Variants in SGSM3 observed in about 807,000 individuals in gnomAD.
The protein encoded by SGSM3 is small G protein signaling modulator 3.
A neutral mutation model predicts 100.5 loss-of-function variants in SGSM3; 96 were observed. The ratio of observed to expected loss-of-function variants is 0.96; its 90% CI spans 0.81 to 1.13. The LOEUF (loss-of-function observed/expected upper bound fraction) is 1.13, where lower values mean the gene tolerates loss of function less well. Ranked by LOEUF, SGSM3 falls within the 50% of genes most tolerant of loss-of-function variation. SGSM3 has a pLI of 0.00. For synonymous variants in SGSM3, 483 were observed against 422.8 expected (o/e 1.14, Z -1.75); for missense variants, 1,001 against 1,015.8 (o/e 0.99, Z 0.20).
intron 1 of SGSM3, among the ~76,000 whole-genome samples, chr22:40,383,357 C>T (rs2047889891): frequency 6.6e-6 from 1 of 151,826 alleles, no homozygotes; most frequent in Non-Finnish European, 1.5e-5. Flanking sequence ...TTCCCAGCTA[C>T]TCGGGAGGCT....
intron 1 of SGSM3, among the ~76,000 whole-genome samples, chr22:40,391,346 G>A (rs374540934): frequency 2.6e-5 from 4 of 152,272 alleles, no homozygotes; most frequent in South Asian, 2.1e-4. Flanking sequence ...GTTGACTCAC[G>A]TCTATAATCC....
chr22:40,402,806 G>C (rs1341733989), intron 4 of SGSM3, among the ~76,000 whole-genome samples: 1 of 152,170 alleles, frequency 6.6e-6, no homozygotes, highest in Non-Finnish European at 1.5e-5. Context: ...ACAGTATTTG[G>C]ATAACTACTT....
At chr22:40,403,679 C>T (rs1276947834) in intron 4 of SGSM3, among the ~76,000 whole-genome samples, 7 of 152,018 alleles carry the variant, frequency 4.6e-5, no homozygotes, top group South Asian at 2.1e-4. Context: ...GCTGAGGGAG[C>T]GCTGGAAAGC....
chr22:40,387,432 T>C (rs2048658012), intron 1 of SGSM3: 2 of 377,410 alleles, frequency 5.3e-6, no homozygotes, highest in East Asian at 7.5e-5. Context: ...CCTGTGTAGT[T>C]TAATTATATG....
chr22:40,377,767 G>A (rs966101538), intron 1 of SGSM3, among the ~76,000 whole-genome samples: 8 of 151,536 alleles, frequency 5.3e-5, no homozygotes, highest in Non-Finnish European at 7.4e-5. Flanking sequence ...GATTACTTGA[G>A]CTTGGGAGGT....
chr22:40,385,830 T>A (rs1380472957), intron 1 of SGSM3, among the ~76,000 whole-genome samples: 2 of 152,078 alleles, frequency 1.3e-5, no homozygotes, highest in Non-Finnish European at 2.9e-5. Flanking sequence ...AGGAGGAACA[T>A]GAGCAGAAAG....
At chr22:40,395,596 A>T (rs941334317) in intron 1 of SGSM3, among the ~76,000 whole-genome samples, 1 of 152,162 alleles carries the variant, frequency 6.6e-6, no homozygotes, top group Non-Finnish European at 1.5e-5. Flanking sequence ...TGCTGGGATT[A>T]CAGGTATGAG....
chr22:40,405,204 G>A lies in SGSM3; in HGVS notation c.538G>A (p.Gly180Arg), dbSNP rs746644745. The change falls in exon 7 of 22, where the codon GGG becomes AGG. Residue 180 changes from glycine (G) to arginine (R), a missense_variant. Physicochemically the swap from Gly to Arg is moderately radical, Grantham distance 125. Transcript: ENST00000248929. Reference sequence around the variant, plus strand: ...CTGCTTCGCCAGCATGGGTAGCATCGGGGTGCCCCGCCTGCGCAGGGTGCT... The same window carrying A: ...CTGCTTCGCCAGCATGGGTAGCATCAGGGTGCCCCGCCTGCGCAGGGTGCT... Reference protein sequence around the residue: ...NACFASMGSIGVPRLRRVLRA... With the variant: ...NACFASMGSIRVPRLRRVLRA... 5.7e-6 allele frequency: 9 copies of A among 1,585,296 alleles called. No homozygotes were observed. Among genetic ancestry groups the A allele is most frequent in the East Asian group, 2.3e-5 (1 of 42,996 alleles).
chr22:40,399,738 G>C (rs1010526806), intron 1 of SGSM3, among the ~76,000 whole-genome samples: 21 of 152,164 alleles, frequency 1.4e-4, no homozygotes, highest in African/African-American at 5.1e-4. Flanking sequence ...TCTTCACACA[G>C]AACCAACCAA....
intron 1 of SGSM3, among the ~76,000 whole-genome samples, chr22:40,376,025 T>G (rs2046495705): frequency 6.6e-6 from 1 of 151,580 alleles, no homozygotes; most frequent in South Asian, 2.1e-4. Flanking sequence ...CCAGCCTGGG[T>G]GACAAAGGGA....
intron 2 of SGSM3, 148 bp downstream of exon 2, chr22:40,400,961 A>G (rs980473862): frequency 1.3e-6 from 1 of 758,564 alleles, no homozygotes; most frequent in Non-Finnish European, 2.1e-6. Context: ...TGAGAAAGTT[A>G]TTAAAACTTC....
intron 3 of SGSM3, 140 bp from the exon 4 acceptor site, chr22:40,401,999 G>A (rs566162341): frequency 2.6e-5 from 17 of 662,086 alleles, no homozygotes; most frequent in African/African-American, 3.6e-5. Context: ...AACCAGAGGC[G>A]GCTTTTGGAA....
intron 1 of SGSM3, among the ~76,000 whole-genome samples, chr22:40,394,978 A>G (rs541740714): frequency 6.6e-6 from 1 of 152,360 alleles, no homozygotes; most frequent in East Asian, 1.9e-4. Flanking sequence ...ACTGGCATTT[A>G]TTAAGCACAT....
chr22:40,375,328 C>G (rs528098362), intron 1 of SGSM3, among the ~76,000 whole-genome samples: 1 of 152,244 alleles, frequency 6.6e-6, no homozygotes, highest in African/African-American at 2.4e-5. Flanking sequence ...GCCTGTAATC[C>G]CAGTGCTTTG....
At chr22:40,408,157 C>G in intron 15 of SGSM3, 37 bp downstream of exon 15, 1 of 1,610,314 alleles carries the variant, frequency 6.2e-7, no homozygotes, top group Non-Finnish European at 8.5e-7. Flanking sequence ...GGCTGGCACC[C>G]TTCTAGCCAG....
intron 8 of SGSM3, 31 bp from the exon 9 acceptor site, chr22:40,406,047 T>G (rs766227280): frequency 1.2e-6 from 2 of 1,604,186 alleles, no homozygotes. Flanking sequence ...CACCACCTCC[T>G]CCCCAGCGGC....
In SGSM3 at chr22:40,410,168, G is replaced by C; in HGVS notation, c.*409G>C. 16 of 1,089,120 alleles carry C rather than the reference G, an allele frequency of 1.5e-5. No individual in the cohort carries two copies. The highest frequency in any genetic ancestry group is 1.7e-5 in the Non-Finnish European group (15 of 896,860). 67.5% of individuals were successfully genotyped at this position (1,089,120 alleles called of 1,614,324 possible). A position where few individuals can be genotyped will look rare whatever the true frequency, so the allele number is the denominator to read the frequency against. On this transcript the variant is annotated 3_prime_UTR_variant, in exon 22 of 22. Coordinates refer to ENST00000248929, the MANE Select transcript of SGSM3 (RefSeq NM_015705.6). ...GAGCTGTATTCAGGTCCAAGGTTCT[G>C]CCCTTCCTTGAGTGGTCTAGAAGGC...
At chr22:40,387,659 C>T (rs979302435) in intron 1 of SGSM3, among the ~76,000 whole-genome samples, 6 of 152,164 alleles carry the variant, frequency 3.9e-5, no homozygotes, top group African/African-American at 1.4e-4. Context: ...TTCACTTCTA[C>T]TTCTGGGGGA....
chr22:40,388,888 C>T (rs2048890824), intron 1 of SGSM3, among the ~76,000 whole-genome samples: 1 of 152,050 alleles, frequency 6.6e-6, no homozygotes, highest in Admixed American at 6.6e-5. Flanking sequence ...GGCAACGGGA[C>T]CACTGAAGGG....
Sources: allele counts gnomAD v4.1 joint callset (sites outside exome capture counted in the v4.1 genomes callset), GRCh38; gene constraint gnomAD v4.1.1; transcripts MANE v1.5; gene names NCBI Gene and HGNC (gene_info 2026-07-23, HGNC 2026-07-21).